Variants in NRXN1 observed in about 807,000 individuals in gnomAD.
NRXN1 encodes neurexin-1.
NRXN1 carries 39 observed loss-of-function variants against 150.9 expected under a neutral mutation model. The observed-to-expected ratio is 0.26, with a 90% CI of 0.20 to 0.34. The LOEUF is 0.34. NRXN1 is among the 10% of genes least tolerant of loss of function. The probability of loss-of-function intolerance (pLI) is 1.00; values close to 1 mark genes in which losing one functional copy is unlikely to be tolerated. For missense variants in NRXN1, 1,815 were observed against 1,949.9 expected, an observed-to-expected ratio of 0.93 and a Z score of 1.30; for synonymous variants, 924 against 757.0, an observed-to-expected ratio of 1.22 and a Z score of -3.62.
chr2:50,841,990 G>T (rs1281677717), intron 5 of NRXN1, among the ~76,000 whole-genome samples: 1 of 152,172 alleles, frequency 6.6e-6, no homozygotes, highest in African/African-American at 2.4e-5. Context: ...TATATGCAAA[G>T]TGTCTTTCAT....
At chr2:50,640,651 T>C (rs1683943696) in intron 5 of NRXN1, among the ~76,000 whole-genome samples, 1 of 152,142 alleles carries the variant, frequency 6.6e-6, no homozygotes, top group Non-Finnish European at 1.5e-5. Flanking sequence ...ACTATGCCAA[T>C]ATTACATACT....
rs1234268410 is a variant in NRXN1, at chr2:50,663,877, TA to T, written c.833-40263del. Among the ~76,000 whole-genome samples the T allele has an allele frequency of 3.3e-5, 5 of 152,178 alleles. No homozygotes were observed. The East Asian group carries it at 9.7e-4, about 30-fold the overall frequency. ...ATATTTTTATTACTTTAACTTTTCT[TA>T]TTTTAGTTGGCTGAAAATACCTAGA... On this transcript the variant is annotated intron_variant, in intron 5 of 22. Coordinates refer to ENST00000401669, the MANE Select transcript of NRXN1 (RefSeq NM_001330078.2).
chr2:50,500,342 C>T (rs116651434), intron 13 of NRXN1, among the ~76,000 whole-genome samples: 3,154 of 150,860 alleles, frequency 0.021, 108 homozygotes, highest in African/African-American at 0.073. Context: ...GGCCCAGTTA[C>T]AAGATAAAAA....
At chr2:50,104,159 C>T (rs1467098429) in intron 18 of NRXN1, among the ~76,000 whole-genome samples, 2 of 151,924 alleles carry the variant, frequency 1.3e-5, no homozygotes, top group Non-Finnish European at 2.9e-5. Context: ...TACTGGAGTA[C>T]AAAAGACATC....
intron 12 of NRXN1, among the ~76,000 whole-genome samples, chr2:50,516,647 T>G (rs1473068388): frequency 6.6e-6 from 1 of 152,150 alleles, no homozygotes; most frequent in South Asian, 2.1e-4. Context: ...TGCTGACCCA[T>G]GTAACTCCTT....
chr2:50,908,941 C>G (rs1471864443), intron 5 of NRXN1, among the ~76,000 whole-genome samples: 3 of 152,126 alleles, frequency 2.0e-5, no homozygotes, highest in Non-Finnish European at 2.9e-5. Flanking sequence ...TCTTCGACTT[C>G]CCAGCCTGCA....
rs562487412 is a variant in NRXN1 at position 50,277,854 on chromosome 2, C to T, written c.3365-40884G>A. Among the ~76,000 whole-genome samples the T allele has an allele frequency of 2.0e-5, 3 of 151,918 alleles. No individual in the cohort carries two copies. In the East Asian group the frequency reaches 5.9e-4, roughly 30 times the overall value. On this transcript the variant is annotated intron_variant, in intron 17 of 22. Transcript: ENST00000401669. ...GATGCACCCTTCAAATTGCTTCACACCCTTCTATACAATCTACCTTGATCA... is the reference window on the plus strand; with the variant it reads ...GATGCACCCTTCAAATTGCTTCACATCCTTCTATACAATCTACCTTGATCA...
intron 5 of NRXN1, among the ~76,000 whole-genome samples, chr2:50,708,007 T>C (rs1031370336): frequency 6.6e-6 from 1 of 152,180 alleles, no homozygotes; most frequent in Non-Finnish European, 1.5e-5. Flanking sequence ...TTGTTTCTTA[T>C]AAAGATTTCA....
At chr2:50,333,310 C>T (rs1008856967) in intron 17 of NRXN1, among the ~76,000 whole-genome samples, 2 of 152,108 alleles carry the variant, frequency 1.3e-5, no homozygotes, top group African/African-American at 4.8e-5. Flanking sequence ...GCAACGTTGC[C>T]CTACCTGCAA....
intron 15 of NRXN1, among the ~76,000 whole-genome samples, chr2:50,484,943 T>A (rs1018490702): frequency 6.6e-6 from 1 of 152,238 alleles, no homozygotes; most frequent in Non-Finnish European, 1.5e-5. Flanking sequence ...CTTTTCACTG[T>A]AGACATTCAG....
At chr2:50,069,811 A>G (rs1159431559) in intron 19 of NRXN1, among the ~76,000 whole-genome samples, 2 of 151,132 alleles carry the variant, frequency 1.3e-5, no homozygotes, top group Non-Finnish European at 2.9e-5. Context: ...AAGAGGAGGA[A>G]GGCAGACATA....
At chr2:50,682,506 T>A (rs1052585059) in intron 5 of NRXN1, among the ~76,000 whole-genome samples, 5 of 152,174 alleles carry the variant, frequency 3.3e-5, no homozygotes, top group Non-Finnish European at 7.3e-5. Flanking sequence ...ACTAGGAGCA[T>A]CGTGACTTGG....
At chr2:50,448,285 T>C (rs890377678) in intron 17 of NRXN1, among the ~76,000 whole-genome samples, 1 of 152,158 alleles carries the variant, frequency 6.6e-6, no homozygotes, top group African/African-American at 2.4e-5. Flanking sequence ...TGCCTAACTT[T>C]ATGTGGATTG....
chr2:50,137,910 T>C (rs1706660138), intron 18 of NRXN1, among the ~76,000 whole-genome samples: 1 of 152,228 alleles, frequency 6.6e-6, no homozygotes, highest in African/African-American at 2.4e-5. Context: ...AGATTTGGTA[T>C]GTACAAACAA....
intron 15 of NRXN1, among the ~76,000 whole-genome samples, chr2:50,483,430 C>T (rs2090627344): frequency 6.6e-6 from 1 of 152,180 alleles, no homozygotes; most frequent in Non-Finnish European, 1.5e-5. Flanking sequence ...CTCTAATAAA[C>T]TTGCCTTCAC....
At chr2:50,651,611 A>G (rs1685645985) in intron 5 of NRXN1, among the ~76,000 whole-genome samples, 1 of 151,978 alleles carries the variant, frequency 6.6e-6, no homozygotes, top group Non-Finnish European at 1.5e-5. Flanking sequence ...CGAGCTGTAA[A>G]CATGCACTGC....
chr2:50,512,756 ATATTTT>A (rs2092497229), intron 12 of NRXN1, among the ~76,000 whole-genome samples: 1 of 152,138 alleles, frequency 6.6e-6, no homozygotes, highest in Admixed American at 6.6e-5. Context: ...TTCCCTATTT[ATATTTT>A]TACATATTCA....
chr2:50,522,813 C>T (rs2105139726), intron 12 of NRXN1, among the ~76,000 whole-genome samples: 1 of 141,196 alleles, frequency 7.1e-6, no homozygotes, highest in South Asian at 2.2e-4. Context: ...CTCAGTGCAA[C>T]CTCCGCCTGC....
intron 5 of NRXN1, among the ~76,000 whole-genome samples, chr2:50,835,040 C>T (rs1455126833): frequency 6.6e-6 from 1 of 152,074 alleles, no homozygotes; most frequent in Non-Finnish European, 1.5e-5. Context: ...TTCCTTAGAC[C>T]TGTATTTTCT....
Sources: allele counts gnomAD v4.1 joint callset (sites outside exome capture counted in the v4.1 genomes callset), GRCh38; gene constraint gnomAD v4.1.1; transcripts MANE v1.5; gene names NCBI Gene and HGNC (gene_info 2026-07-23, HGNC 2026-07-21).